The following ANO2 variants were observed in gnomAD, a reference collection of about 807,000 sequenced individuals.
The protein encoded by ANO2 is anoctamin-2.
A neutral mutation model predicts 124.2 loss-of-function variants in ANO2; 101 were observed. The observed-to-expected ratio is 0.81, with a 90% CI of 0.69 to 0.96. The LOEUF (loss-of-function observed/expected upper bound fraction) is 0.96. ANO2 is among the 40% of genes least tolerant of loss of function. The probability of loss-of-function intolerance (pLI) is 0.00; values close to 1 mark genes in which losing one functional copy is unlikely to be tolerated. For synonymous variants in ANO2, 486 were observed against 482.5 expected, an observed-to-expected ratio of 1.01 and a Z score of -0.09; for missense variants, 1,293 against 1,274.5, an observed-to-expected ratio of 1.01 and a Z score of -0.22.
At chr12:5,866,393 T>A (rs1955428979) in intron 3 of ANO2, among the ~76,000 whole-genome samples, 1 of 152,198 alleles carries the variant, frequency 6.6e-6, no homozygotes, top group Admixed American at 6.5e-5. Context: ...CCTCACCAGA[T>A]CTGCTTATGG....
rs115501952 is a variant in ANO2 at position 5,838,227 on chromosome 12, T to C, written c.634-5624A>G. On this transcript the variant is annotated intron_variant, in intron 4 of 24. Transcript: ENST00000682330. ...ACGCTGTTTTTACTGGGACCAGGAG[T>C]GGGACTGGGGTAAGTTTCAACTGTT... 7.7e-3 allele frequency among the ~76,000 whole-genome samples: 1,167 copies of C among 151,860 alleles called. 20 individuals carry two copies. The highest frequency in any genetic ancestry group is 0.025 in the African/African-American group (1,056 of 41,418).
chr12:5,798,340 G>A (rs1952935581), intron 10 of ANO2, among the ~76,000 whole-genome samples: 1 of 152,128 alleles, frequency 6.6e-6, no homozygotes, highest in African/African-American at 2.4e-5. Context: ...CTGCTTCCAA[G>A]AGACATCCAA....
intron 9 of ANO2, among the ~76,000 whole-genome samples, chr12:5,803,679 G>A (rs1000146987): frequency 6.6e-6 from 1 of 152,126 alleles, no homozygotes; most frequent in Non-Finnish European, 1.5e-5. Flanking sequence ...CTACCCCCAC[G>A]CTGCTCCCTC....
intron 5 of ANO2, 61 bp from the exon 6 acceptor site, chr12:5,830,550 G>T: frequency 6.8e-7 from 1 of 1,480,378 alleles, no homozygotes; most frequent in East Asian, 2.4e-5. Context: ...TGAGACCACT[G>T]CCACCCCAGA....
At chr12:5,729,054 T>C (rs1353910639) in intron 14 of ANO2, among the ~76,000 whole-genome samples, 1 of 152,130 alleles carries the variant, frequency 6.6e-6, no homozygotes, top group Non-Finnish European at 1.5e-5. Context: ...ATTAGAAATA[T>C]CTTAATGACA....
intron 10 of ANO2, among the ~76,000 whole-genome samples, chr12:5,785,702 GAC>G (rs1952521135): frequency 1.3e-5 from 2 of 151,198 alleles, no homozygotes; most frequent in Non-Finnish European, 2.9e-5. Flanking sequence ...CAAGCACACA[GAC>G]ACAGTTCCCA....
chr12:5,759,613 T>C (rs1951681493), intron 10 of ANO2, among the ~76,000 whole-genome samples: 1 of 148,226 alleles, frequency 6.7e-6, no homozygotes, highest in Admixed American at 6.8e-5. Context: ...GGGAGGGATC[T>C]AGGATGCACA....
At chr12:5,877,122 G>A (rs568135914) in intron 3 of ANO2, among the ~76,000 whole-genome samples, 22 of 152,164 alleles carry the variant, frequency 1.4e-4, no homozygotes, top group Non-Finnish European at 2.8e-4. Flanking sequence ...CTTATTTATG[G>A]AAGAGGTTTT....
intron 16 of ANO2, among the ~76,000 whole-genome samples, chr12:5,633,191 G>A (rs961818073): frequency 6.6e-5 from 10 of 152,284 alleles, no homozygotes; most frequent in Middle Eastern, 3.4e-3. Context: ...AGAAGAGGAC[G>A]CTGGCATTCC....
intron 20 of ANO2, among the ~76,000 whole-genome samples, chr12:5,589,794 A>G (rs1414086172): frequency 6.6e-6 from 1 of 152,158 alleles, no homozygotes; most frequent in Non-Finnish European, 1.5e-5. Flanking sequence ...GAGAGCACTC[A>G]GGACAGGCAG....
At chr12:5,775,987 T>C (rs1477190422) in intron 10 of ANO2, among the ~76,000 whole-genome samples, 1 of 152,184 alleles carries the variant, frequency 6.6e-6, no homozygotes, top group Non-Finnish European at 1.5e-5. Flanking sequence ...TCACGTATCA[T>C]GATTGAGGGT....
At position 5,923,081 on chromosome 12, in the gene ANO2, T is replaced by TACACACACGCATACACACACACACAC. The variant is rs762559906; in HGVS notation, c.23-278_23-277insGTGTGTGTGTGTGTATGCGTGTGTGT. 9.1e-5 allele frequency among the ~76,000 whole-genome samples: 2 copies of TACACACACGCATACACACACACACAC among 21,876 alleles called. 1 individual carries two copies. The highest frequency in any genetic ancestry group is 2.4e-4 in the Non-Finnish European group (2 of 8,478). 14.4% of individuals were successfully genotyped at this position (21,876 alleles called of 152,430 possible). ...CCACATACACACACACATGCACACA[T>TACACACACGCATACACACACACACAC]ACACACACACACGCACACACATACA... is the stretch of plus-strand genomic sequence containing the variant. On this transcript the variant is annotated intron_variant, in intron 1 of 24. Coordinates refer to ENST00000682330, the MANE Select transcript of ANO2 (RefSeq NM_001364791.2).
At chr12:5,883,396 T>C (rs1011456874) in intron 3 of ANO2, among the ~76,000 whole-genome samples, 2 of 152,350 alleles carry the variant, frequency 1.3e-5, no homozygotes, top group Admixed American at 1.3e-4. Context: ...AGCTGTTTAA[T>C]ATGCATCCTG....
intron 3 of ANO2, among the ~76,000 whole-genome samples, chr12:5,877,304 C>T (rs375981607): frequency 2.0e-5 from 3 of 152,236 alleles, no homozygotes; most frequent in Admixed American, 1.3e-4. Flanking sequence ...CCATAGGAAG[C>T]GAGGAGACGG....
intron 3 of ANO2, among the ~76,000 whole-genome samples, chr12:5,903,980 AC>A (rs1180980931): frequency 6.6e-6 from 1 of 152,062 alleles, no homozygotes; most frequent in African/African-American, 2.4e-5. Context: ...CATGGAGGAA[AC>A]CCACACATGT....
chr12:5,780,530 T>C (rs1163024861), intron 10 of ANO2, among the ~76,000 whole-genome samples: 1 of 152,204 alleles, frequency 6.6e-6, no homozygotes, highest in Non-Finnish European at 1.5e-5. Flanking sequence ...AAACTTCCAT[T>C]AGCACATCCT....
intron 11 of ANO2, among the ~76,000 whole-genome samples, chr12:5,749,635 C>A (rs1421813348): frequency 6.6e-6 from 1 of 152,194 alleles, no homozygotes; most frequent in Non-Finnish European, 1.5e-5. Context: ...AACATACTAA[C>A]CATGCTTCAG....
intron 10 of ANO2, among the ~76,000 whole-genome samples, chr12:5,774,307 A>G (rs1952166959): frequency 6.6e-6 from 1 of 152,068 alleles, no homozygotes; most frequent in South Asian, 2.1e-4. Context: ...CAACAAAAAA[A>G]TCCATAAAAA....
chr12:5,747,662 T>C (rs1014980155), intron 11 of ANO2, among the ~76,000 whole-genome samples: 3 of 152,206 alleles, frequency 2.0e-5, no homozygotes, highest in African/African-American at 7.2e-5. Flanking sequence ...TGCAAATACA[T>C]ACCCTCACTC....
Sources: gnomAD v4.1 joint callset for allele counts (sites outside exome capture counted in the v4.1 genomes callset) on GRCh38, gnomAD v4.1.1 for gene constraint, MANE v1.5 for transcripts, NCBI Gene and HGNC (gene_info 2026-07-23, HGNC 2026-07-21) for gene names.